The following ZDHHC3 variants were observed in gnomAD, a reference collection of about 807,000 sequenced individuals.
ZDHHC3 encodes palmitoyltransferase ZDHHC3.
Under a neutral mutation model 30.6 loss-of-function variants are expected in ZDHHC3, and 9 were observed. The ratio of observed to expected loss-of-function variants is 0.29; its 90% CI spans 0.18 to 0.51. The LOEUF (loss-of-function observed/expected upper bound fraction) is 0.51, where lower values mean the gene tolerates loss of function less well. Among genes scored for constraint, ZDHHC3 ranks in the 20% least tolerant of loss-of-function variants. ZDHHC3 has a pLI of 0.97. For missense variants in ZDHHC3, 246 were observed against 384.2 expected (o/e 0.64, Z 3.01); for synonymous variants, 136 against 140.2 (o/e 0.97, Z 0.21).
Position 44,920,641 on chromosome 3 carries a change from TCCAGTTCTACTGCAAATCA to T in ZDHHC3, c.*6029_*6047del. On this transcript the variant is annotated 3_prime_UTR_variant, in exon 7 of 7. Coordinates refer to ENST00000424952, the MANE Select transcript of ZDHHC3 (RefSeq NM_001135179.2). ...TGTCTTTTTTTCTGCCCAACAGGTT[TCCAGTTCTACTGCAAATCA>T]CCACTGTGCCCAGGCTGAGCTCAGT... The T allele has an allele frequency of 1.0e-6, 1 of 985,382 alleles. No individual in the cohort carries two copies. The highest frequency in any genetic ancestry group is 1.2e-6 in the Non-Finnish European group (1 of 829,918). The allele number at this position is 985,382 out of a possible 1,614,324, so 61.0% of individuals were successfully genotyped here. A position where few individuals can be genotyped will look rare whatever the true frequency, so the allele number is the denominator to read the frequency against.
intron 3 of ZDHHC3, 74 bp from the exon 4 acceptor site, chr3:44,934,058 C>A: frequency 7.1e-7 from 1 of 1,400,980 alleles, no homozygotes; most frequent in South Asian, 1.2e-5. Context: ...ACGCAGAACC[C>A]ATGGCTCCTG....
chr3:44,967,115 T>C (rs1356322672), intron 1 of ZDHHC3, among the ~76,000 whole-genome samples: 1 of 152,164 alleles, frequency 6.6e-6, no homozygotes, highest in Admixed American at 6.5e-5. Flanking sequence ...AGTAAAATAT[T>C]GTACCTCCAA....
chr3:44,945,586 T>C (rs535888805), intron 2 of ZDHHC3, among the ~76,000 whole-genome samples: 1 of 152,290 alleles, frequency 6.6e-6, no homozygotes, highest in South Asian at 2.1e-4. Flanking sequence ...AGAGTCTTGC[T>C]CTGTCGCCCA....
chr3:44,958,550 T>C (rs1478776760), intron 2 of ZDHHC3: 9 of 1,521,938 alleles, frequency 5.9e-6, no homozygotes, highest in South Asian at 2.4e-5. Context: ...AGCTAAGTCA[T>C]TGAGCAGAAC....
At chr3:44,945,048 C>A in intron 3 of ZDHHC3, 120 bp downstream of exon 3, 1 of 1,432,888 alleles carries the variant, frequency 7.0e-7, no homozygotes, top group South Asian at 1.3e-5. Context: ...CATTTGGAAT[C>A]CCGATGCTGA....
chr3:44,952,120 C>T (rs944759592), intron 2 of ZDHHC3, among the ~76,000 whole-genome samples: 17 of 152,190 alleles, frequency 1.1e-4, no homozygotes, highest in Non-Finnish European at 2.1e-4. Flanking sequence ...ACAGCTAAAA[C>T]GGAACCTGCT....
Position 44,920,206 on chromosome 3 carries a change from T to C in ZDHHC3, c.*6483A>G. ...TCTAAAGGGACCTTCATGTGGGTCATGAGCATGTGATGCCATGCTGCTTCC... is the reference window on the plus strand; with the variant it reads ...TCTAAAGGGACCTTCATGTGGGTCACGAGCATGTGATGCCATGCTGCTTCC... On this transcript the variant is annotated 3_prime_UTR_variant, in exon 7 of 7. Coordinates refer to ENST00000424952, the MANE Select transcript of ZDHHC3 (RefSeq NM_001135179.2). 2 of 1,289,976 alleles carry C rather than the reference T, an allele frequency of 1.6e-6. No individual in the cohort carries two copies. Among genetic ancestry groups the C allele is most frequent in the Non-Finnish European group, 2.0e-6 (2 of 988,900 alleles). The allele number at this position is 1,289,976 out of a possible 1,614,324, so 79.9% of individuals were successfully genotyped here. A position where few individuals can be genotyped will look rare whatever the true frequency, so the allele number is the denominator to read the frequency against.
At chr3:44,927,644 C>T (rs1701112790) in intron 6 of ZDHHC3, among the ~76,000 whole-genome samples, 1 of 152,250 alleles carries the variant, frequency 6.6e-6, no homozygotes, top group Non-Finnish European at 1.5e-5. Flanking sequence ...GGAGCCAGCG[C>T]TGCTTCCCCT....
intron 2 of ZDHHC3, among the ~76,000 whole-genome samples, chr3:44,950,459 T>C (rs939947460): frequency 6.6e-6 from 1 of 152,232 alleles, no homozygotes; most frequent in African/African-American, 2.4e-5. Flanking sequence ...GTATTCTCAT[T>C]ACGGCCTATT....
chr3:44,969,107 C>CA (rs1438828420), intron 1 of ZDHHC3, among the ~76,000 whole-genome samples: 1 of 152,242 alleles, frequency 6.6e-6, no homozygotes, highest in Non-Finnish European at 1.5e-5. Flanking sequence ...ACCCAATGAA[C>CA]ACTTGCCGAT....
Position 44,923,905 on chromosome 3 carries a change from T to C in ZDHHC3, c.*2784A>G, listed in dbSNP as rs949646013. 8 of 985,340 alleles carry C rather than the reference T, an allele frequency of 8.1e-6. No homozygotes were observed. The African/African-American group carries it at 1.2e-4, about 15-fold the overall frequency. The allele number at this position is 985,340 out of a possible 1,614,324, so 61.0% of individuals were successfully genotyped here. ...CCAAATGTGTTTTGTGTACATGATA[T>C]TACCAAGCCCATGCAAATATGCATA... On this transcript the variant is annotated 3_prime_UTR_variant, in exon 7 of 7. Transcript: ENST00000424952.
intron 1 of ZDHHC3, among the ~76,000 whole-genome samples, chr3:44,964,683 C>T (rs554722806): frequency 6.6e-6 from 1 of 152,178 alleles, no homozygotes; most frequent in African/African-American, 2.4e-5. Context: ...GTCCAGAGGC[C>T]GACAAGTCCA....
At chr3:44,929,791 C>A (rs1701332001) in intron 5 of ZDHHC3, among the ~76,000 whole-genome samples, 1 of 152,168 alleles carries the variant, frequency 6.6e-6, no homozygotes, top group African/African-American at 2.4e-5. Context: ...CACAGGGGAC[C>A]CTGCTCTCCT....
At chr3:44,953,798 T>A (rs751074213) in intron 2 of ZDHHC3, among the ~76,000 whole-genome samples, 3 of 152,216 alleles carry the variant, frequency 2.0e-5, no homozygotes, top group Non-Finnish European at 4.4e-5. Flanking sequence ...TTGCCTGGCA[T>A]GAGGGAGAAT....
intron 1 of ZDHHC3, among the ~76,000 whole-genome samples, chr3:44,964,472 G>C (rs1236418892): frequency 6.6e-6 from 1 of 152,206 alleles, no homozygotes; most frequent in Non-Finnish European, 1.5e-5. Flanking sequence ...GTAGGAAAGA[G>C]AGGAGGTGAT....
chr3:44,967,122 C>T (rs1705023743), intron 1 of ZDHHC3, among the ~76,000 whole-genome samples: 1 of 152,190 alleles, frequency 6.6e-6, no homozygotes, highest in African/African-American at 2.4e-5. Context: ...TATTGTACCT[C>T]CAAGCCAAAC....
intron 2 of ZDHHC3, among the ~76,000 whole-genome samples, chr3:44,957,311 T>C (rs1704039180): frequency 1.3e-5 from 2 of 152,206 alleles, no homozygotes; most frequent in African/African-American, 2.4e-5. Context: ...GGAATTTGCA[T>C]CTGTCTTGCT....
At chr3:44,926,869 C>T (rs1701033901) in intron 6 of ZDHHC3, 22 bp from the exon 7 acceptor site, 29 of 1,590,912 alleles carry the variant, frequency 1.8e-5, no homozygotes, top group Non-Finnish European at 2.5e-5. Flanking sequence ...AACAATCATA[C>T]TTTCAGTCAA....
At position 44,935,419 on chromosome 3, in the gene ZDHHC3, G is replaced by A. The variant is rs554422493; in HGVS notation, c.432-1435C>T. On this transcript the variant is annotated intron_variant, in intron 3 of 6. Transcript: ENST00000424952. ...CGAACAGCTGGGACCACAGGTGCACGCCACCACACCCAGCTAATTTTTTTG... is the reference window on the plus strand; with the variant it reads ...CGAACAGCTGGGACCACAGGTGCACACCACCACACCCAGCTAATTTTTTTG... Among the ~76,000 whole-genome samples the A allele has an allele frequency of 9.9e-5, 15 of 152,236 alleles. No individual in the cohort carries two copies. The East Asian group carries it at 1.2e-3, about 12-fold the overall frequency.
Sources: allele counts gnomAD v4.1 joint callset (sites outside exome capture counted in the v4.1 genomes callset), GRCh38; gene constraint gnomAD v4.1.1; transcripts MANE v1.5; gene names NCBI Gene and HGNC (gene_info 2026-07-23, HGNC 2026-07-21).